The following LIF variants were observed in gnomAD, a reference collection of about 807,000 sequenced individuals.
LIF encodes LIF interleukin 6 family cytokine, also known as leukemia inhibitory factor.
Under a neutral mutation model 15.0 loss-of-function variants are expected in LIF, and 9 were observed. The ratio of observed to expected loss-of-function variants is 0.60; its 90% CI spans 0.36 to 1.04. The LOEUF (loss-of-function observed/expected upper bound fraction) is 1.04. Among genes scored for constraint, LIF ranks in the 50% least tolerant of loss-of-function variants. The pLI is 0.01. For missense variants in LIF, 240 were observed against 266.7 expected, an observed-to-expected ratio of 0.90 and a Z score of 0.70; for synonymous variants, 122 against 119.7, an observed-to-expected ratio of 1.02 and a Z score of -0.13.
In LIF at chr22:30,242,619, G is replaced by A. The variant is rs948699927; in HGVS notation, c.*1032C>T. The A allele has an allele frequency of 8.5e-5, 13 of 152,616 alleles. No individual in the cohort carries two copies. Among genetic ancestry groups the A allele is most frequent in the African/African-American group, 2.9e-4 (12 of 41,384 alleles). The allele number at this position is 152,616 out of a possible 1,614,324, so 9.5% of individuals were successfully genotyped here. ...TCATGCCAGGTCAGACGCACAGCAC[G>A]CTTGGAGCTCAGGGTTCCCTGAGAC... is the stretch of plus-strand genomic sequence containing the variant. On this transcript the variant is annotated 3_prime_UTR_variant, in exon 3 of 3. Transcript: ENST00000249075.
intron 2 of LIF, 46 bp from the exon 3 acceptor site, chr22:30,244,107 C>A: frequency 6.4e-7 from 1 of 1,553,438 alleles, no homozygotes; most frequent in Non-Finnish European, 8.7e-7. Context: ...GGTCAGTGTC[C>A]CAGCCCTGCC....
At chr22:30,245,902 C>G (rs1475828579) in intron 1 of LIF, among the ~76,000 whole-genome samples, 1 of 152,160 alleles carries the variant, frequency 6.6e-6, no homozygotes, top group Non-Finnish European at 1.5e-5. Flanking sequence ...TGCCCCTCCC[C>G]CAGGGGGGCC....
In LIF at chr22:30,240,865, G is replaced by C. The variant is rs1218187106; in HGVS notation, c.*2786C>G. Reference sequence around the variant, plus strand: ...CGGCAAGGCAGAGCTGGACTGGCTGGGTCAGGGTGGAAGTGCCCCAAGTCA... The same window carrying C: ...CGGCAAGGCAGAGCTGGACTGGCTGCGTCAGGGTGGAAGTGCCCCAAGTCA... On this transcript the variant is annotated 3_prime_UTR_variant, in exon 3 of 3. Transcript: ENST00000249075. 1 of 152,282 alleles carries C rather than the reference G, an allele frequency of 6.6e-6. No homozygotes were observed. The highest frequency in any genetic ancestry group is 1.5e-5 in the Non-Finnish European group (1 of 68,090). The allele number at this position is 152,282 out of a possible 1,614,324, so 9.4% of individuals were successfully genotyped here. A position where few individuals can be genotyped will look rare whatever the true frequency, so the allele number is the denominator to read the frequency against.
At position 30,243,538 on chromosome 22, in the gene LIF, G is replaced by A; in HGVS notation, c.*113C>T. ...CAGGCACCCTCGGGGTCTGCCAGCA[G>A]CCCCCATTTGGGTTTAGCGATGCCC... is the stretch of plus-strand genomic sequence containing the variant. On this transcript the variant is annotated 3_prime_UTR_variant, in exon 3 of 3. Coordinates refer to ENST00000249075, the MANE Select transcript of LIF (RefSeq NM_002309.5). The surrounding 1 kb of genome is among the most constrained non-coding windows in gnomAD (Gnocchi z 6.0). The A allele has an allele frequency of 7.4e-7, 1 of 1,354,408 alleles. No individual in the cohort carries two copies. The highest frequency in any genetic ancestry group is 2.3e-5 in the East Asian group (1 of 43,538). The allele number at this position is 1,354,408 out of a possible 1,614,324, so 83.9% of individuals were successfully genotyped here. A position where few individuals can be genotyped will look rare whatever the true frequency, so the allele number is the denominator to read the frequency against.
chr22:30,243,325 T>G lies in LIF; in HGVS notation c.*326A>C. On this transcript the variant is annotated 3_prime_UTR_variant, in exon 3 of 3. Coordinates refer to ENST00000249075, the MANE Select transcript of LIF (RefSeq NM_002309.5). This position sits in a 1 kb window ranked among gnomAD's most constrained non-coding sequence, Gnocchi z 6.0. ...TGTGGTCAGGGCTCTTGTAGATGAC[T>G]TGTGTAGTTTGTTCACTGCACAAAG... 1 of 439,852 alleles carries G rather than the reference T, an allele frequency of 2.3e-6. No individual in the cohort carries two copies. Among genetic ancestry groups the G allele is most frequent in the South Asian group, 2.1e-5 (1 of 47,140 alleles). 27.2% of individuals were successfully genotyped at this position (439,852 alleles called of 1,614,324 possible). A position where few individuals can be genotyped will look rare whatever the true frequency, so the allele number is the denominator to read the frequency against.
At chr22:30,244,711 C>T (rs775774731) in intron 2 of LIF, 44 bp downstream of exon 2, 3 of 1,570,098 alleles carry the variant, frequency 1.9e-6, no homozygotes, top group Non-Finnish European at 2.6e-6. Context: ...TATTTACAAG[C>T]CCCCTCCCTG....
chr22:30,244,402 C>T (rs1928794135), intron 2 of LIF, among the ~76,000 whole-genome samples: 1 of 152,154 alleles, frequency 6.6e-6, no homozygotes, highest in African/African-American at 2.4e-5. Flanking sequence ...CGGGACGCCC[C>T]TCCATGCCCA....
chr22:30,244,166 G>A, intron 2 of LIF, 105 bp from the exon 3 acceptor site: 1 of 1,104,928 alleles, frequency 9.1e-7, no homozygotes, highest in Non-Finnish European at 1.3e-6. Flanking sequence ...TCTAGCGCAT[G>A]AGGACCCAAC....
In LIF at chr22:30,241,005, T is replaced by A. The variant is rs1176669076; in HGVS notation, c.*2646A>T. 6.6e-6 allele frequency: 1 copy of A among 152,184 alleles called. No homozygotes were observed. Among genetic ancestry groups the A allele is most frequent in the African/African-American group, 2.4e-5 (1 of 41,436 alleles). The allele number at this position is 152,184 out of a possible 1,614,324, so 9.4% of individuals were successfully genotyped here. A position where few individuals can be genotyped will look rare whatever the true frequency, so the allele number is the denominator to read the frequency against. ...CCCGGAGACATCTCTCTTGGTAAAC[T>A]CTCTCTTCCTCCGGCCAGGCCCAGG... On this transcript the variant is annotated 3_prime_UTR_variant, in exon 3 of 3. Transcript: ENST00000249075. The surrounding 1 kb of genome is among the most constrained non-coding windows in gnomAD (Gnocchi z 4.4).
chr22:30,246,544 G>A (rs1928902773), intron 1 of LIF, 133 bp downstream of exon 1: 2 of 1,342,378 alleles, frequency 1.5e-6, no homozygotes, highest in Non-Finnish European at 1.9e-6. Flanking sequence ...AGCGCCTCCG[G>A]TGGCTGCGCG....
Position 30,244,805 on chromosome 22 carries a change from T to C in LIF, c.148A>G (p.Ser50Gly). Reference sequence around the variant, plus strand: ...CTGCCATTGAGCTGTGCCAGTTGGCTCCTGATCTGGTTCATGAGGTTGTTG... The same window carrying C: ...CTGCCATTGAGCTGTGCCAGTTGGCCCCTGATCTGGTTCATGAGGTTGTTG... Reference protein sequence around the residue: ...CHNNLMNQIRSQLAQLNGSAN... With the variant: ...CHNNLMNQIRGQLAQLNGSAN... The change falls in exon 2 of 3, where the codon AGC becomes GGC. Residue 50 changes from serine (S) to glycine (G), a missense_variant. Ser to Gly is a moderately conservative substitution (Grantham distance 56). Transcript: ENST00000249075. 6.2e-7 allele frequency: 1 copy of C among 1,614,208 alleles called. No individual in the cohort carries two copies. The highest frequency in any genetic ancestry group is 8.5e-7 in the Non-Finnish European group (1 of 1,180,022).
chr22:30,245,245 C>T (rs1257802004), intron 1 of LIF, among the ~76,000 whole-genome samples: 1 of 152,234 alleles, frequency 6.6e-6, no homozygotes, highest in Admixed American at 6.5e-5. Context: ...CCCTTTCCCT[C>T]AGGAAGGCAA....
chr22:30,244,855 G>T lies in LIF; in HGVS notation c.98C>A (p.Thr33Asn). 6.2e-7 allele frequency: 1 copy of T among 1,614,214 alleles called. No individual in the cohort carries two copies. The highest frequency in any genetic ancestry group is 8.5e-7 in the Non-Finnish European group (1 of 1,180,012). Residue 33 changes from threonine (T) to asparagine (N), a missense_variant, in exon 2 of 3, where the codon ACC (threonine) becomes AAC (asparagine). Physicochemically the swap from Thr to Asn is moderately conservative, Grantham distance 65. Coordinates refer to ENST00000249075, the MANE Select transcript of LIF (RefSeq NM_002309.5). ...SPLPITPVNA[T>N]CAIRHPCHNN... ...GTGACATGGGTGGCGTATGGCACAG[G>T]TGGCGTTGACAGGGGTGATGGGGAG...
At chr22:30,245,937 C>T (rs1039385324) in intron 1 of LIF, among the ~76,000 whole-genome samples, 2 of 152,212 alleles carry the variant, frequency 1.3e-5, no homozygotes, top group Non-Finnish European at 2.9e-5. Flanking sequence ...CCCCCAGGCC[C>T]CCTTAGACGC....
chr22:30,246,503 A>C, intron 1 of LIF, 174 bp downstream of exon 1: 3 of 1,282,306 alleles, frequency 2.3e-6, no homozygotes, highest in Non-Finnish European at 3.0e-6. Context: ...GCTTGGGACC[A>C]TGTGCCCGCG....
rs2123829589 is a variant in LIF, at chr22:30,241,268, AGGGAGATGAGGTGATGG to A, written c.*2366_*2382del. ...CCTGGCACAGAGCTCCCAAGTCCAC[AGGGAGATGAGGTGATGG>A]GCGAGTCAGCCGGGCCCCCCGGGTG... On this transcript the variant is annotated 3_prime_UTR_variant, in exon 3 of 3. Transcript: ENST00000249075. This position sits in a 1 kb window ranked among gnomAD's most constrained non-coding sequence, Gnocchi z 4.4. 6.6e-6 allele frequency: 1 copy of A among 152,420 alleles called. No individual in the cohort carries two copies. The highest frequency in any genetic ancestry group is 1.9e-4 in the East Asian group (1 of 5,228). The allele number at this position is 152,420 out of a possible 1,614,324, so 9.4% of individuals were successfully genotyped here.
chr22:30,245,590 C>T (rs1928855369), intron 1 of LIF, among the ~76,000 whole-genome samples: 1 of 152,176 alleles, frequency 6.6e-6, no homozygotes, highest in African/African-American at 2.4e-5. Flanking sequence ...CCCTATCTCA[C>T]TCAAGCTCAC....
rs1360417824 is a variant in LIF, at chr22:30,240,896, AAGG to A, written c.*2752_*2754del. 1.3e-5 allele frequency: 2 copies of A among 152,292 alleles called. No homozygotes were observed. Among genetic ancestry groups the A allele is most frequent in the Non-Finnish European group, 2.9e-5 (2 of 68,076 alleles). 9.4% of individuals were successfully genotyped at this position (152,292 alleles called of 1,614,324 possible). On this transcript the variant is annotated 3_prime_UTR_variant, in exon 3 of 3. Coordinates refer to ENST00000249075, the MANE Select transcript of LIF (RefSeq NM_002309.5). ...GGTGGAAGTGCCCCAAGTCAGGGAC[AAGG>A]AGGACGATGGGGACGATGGGGAGGA...
chr22:30,243,681 C>T lies in LIF; in HGVS notation c.579G>A (p.Gln193=), dbSNP rs765035600. The T allele has an allele frequency of 1.9e-6, 3 of 1,614,254 alleles. No homozygotes were observed. In the Admixed American group the frequency reaches 5.0e-5, roughly 27 times the overall value. ...AGGCCTGGGCCAACACGGCGATGAT[C>T]TGCTTATACTTCCCCAGGAGTTGAC... The part of the protein sequence containing the change: ...LGCQLLGKYK[Q]IIAVLAQAF Residue 193 remains glutamine (Q), a synonymous_variant, in exon 3 of 3, where the codon CAG becomes CAA. Transcript: ENST00000249075. The surrounding 1 kb of genome is among the most constrained non-coding windows in gnomAD (Gnocchi z 6.0).
Sources: gnomAD v4.1 joint callset for allele counts (sites outside exome capture counted in the v4.1 genomes callset) on GRCh38, gnomAD v4.1.1 for gene constraint, Gnocchi (gnomAD v3.1) non-coding constraint, MANE v1.5 for transcripts, NCBI Gene and HGNC (gene_info 2026-07-23, HGNC 2026-07-21) for gene names.